DAGLB: variants seen among roughly 807,000 people sequenced by gnomAD.
DAGLB encodes diacylglycerol lipase beta, also known as diacylglycerol lipase-beta.
In DAGLB, 66 loss-of-function variants were observed where a neutral mutation model predicts 72.1. The observed-to-expected ratio is 0.92, with a 90% CI of 0.75 to 1.12. The LOEUF is 1.12. Among genes scored for constraint, DAGLB ranks in the 50% most tolerant of loss-of-function variants. The probability of loss-of-function intolerance (pLI) is 0.00; values close to 1 mark genes in which losing one functional copy is unlikely to be tolerated. For missense variants in DAGLB, 1,065 were observed against 884.9 expected (o/e 1.20, Z -2.58); for synonymous variants, 414 against 359.5 (o/e 1.15, Z -1.71).
intron 8 of DAGLB, among the ~76,000 whole-genome samples, chr7:6,424,496 C>T (rs1049518198): frequency 8.5e-5 from 13 of 152,168 alleles, no homozygotes; most frequent in African/African-American, 3.1e-4. Context: ...AAGCAGGTGC[C>T]CTCTGGGAGC....
chr7:6,418,924 A>G (rs894930203), intron 9 of DAGLB, among the ~76,000 whole-genome samples: 4 of 152,048 alleles, frequency 2.6e-5, no homozygotes, highest in Non-Finnish European at 5.9e-5. Flanking sequence ...TCGGCCTCCC[A>G]AAGTGCTGGG....
intron 8 of DAGLB, 63 bp downstream of exon 8, chr7:6,424,689 G>T: frequency 6.6e-7 from 1 of 1,507,340 alleles, no homozygotes; most frequent in Non-Finnish European, 9.2e-7. Flanking sequence ...CCCCAGCCGA[G>T]CAGCTGTGGG....
At chr7:6,447,721 C>T (rs771930086) in intron 1 of DAGLB, 27 bp downstream of exon 1, 10 of 1,605,474 alleles carry the variant, frequency 6.2e-6, no homozygotes, top group Non-Finnish European at 7.7e-6. Context: ...CGGTGGGCTC[C>T]ACCGCCCCCG....
chr7:6,444,051 G>A (rs1784919469), intron 2 of DAGLB, among the ~76,000 whole-genome samples: 1 of 152,108 alleles, frequency 6.6e-6, no homozygotes, highest in African/African-American at 2.4e-5. Context: ...AGGATCACCT[G>A]AGCCCAGGAG....
At chr7:6,411,030 A>G (rs192559049) in intron 13 of DAGLB, among the ~76,000 whole-genome samples, 2,032 of 150,930 alleles carry the variant, frequency 0.013, 15 homozygotes, top group Non-Finnish European at 0.02. Flanking sequence ...GACTACAGGC[A>G]CCCGCCACCG....
At chr7:6,433,927 G>C (rs923782455) in intron 4 of DAGLB, among the ~76,000 whole-genome samples, 1 of 151,504 alleles carries the variant, frequency 6.6e-6, no homozygotes, top group African/African-American at 2.4e-5. Context: ...TGTAGATTAC[G>C]ACATCCTCTA....
At chr7:6,413,359 A>G (rs1014821066) in intron 11 of DAGLB, among the ~76,000 whole-genome samples, 2 of 152,110 alleles carry the variant, frequency 1.3e-5, no homozygotes, top group Non-Finnish European at 2.9e-5. Flanking sequence ...GGCCGGGTGC[A>G]GTGGCTCACG....
In DAGLB at chr7:6,409,509, G is replaced by C. The variant is rs1256933433; in HGVS notation, c.*328C>G. 5 of 365,498 alleles carry C rather than the reference G, an allele frequency of 1.4e-5. No homozygotes were observed. The highest frequency in any genetic ancestry group is 8.2e-5 in the African/African-American group (4 of 48,494). The allele number at this position is 365,498 out of a possible 1,614,324, so 22.6% of individuals were successfully genotyped here. A position where few individuals can be genotyped will look rare whatever the true frequency, so the allele number is the denominator to read the frequency against. On this transcript the variant is annotated 3_prime_UTR_variant, in exon 15 of 15. Coordinates refer to ENST00000297056, the MANE Select transcript of DAGLB (RefSeq NM_139179.4). ...TAAGGAACTGTTCACGGTCTTCTGGGTGGGCCCTGGATTCCCGCACTTCTG... is the reference window on the plus strand; with the variant it reads ...TAAGGAACTGTTCACGGTCTTCTGGCTGGGCCCTGGATTCCCGCACTTCTG...
At chr7:6,446,561 A>T (rs1166463633) in intron 1 of DAGLB, among the ~76,000 whole-genome samples, 4 of 150,498 alleles carry the variant, frequency 2.7e-5, no homozygotes, top group Admixed American at 6.6e-5. Flanking sequence ...TCACTTTGGA[A>T]TATAATTTTC....
intron 2 of DAGLB, among the ~76,000 whole-genome samples, chr7:6,442,733 G>C (rs531097758): frequency 6.6e-6 from 1 of 152,164 alleles, no homozygotes; most frequent in African/African-American, 2.4e-5. Context: ...GCCTCCTTGC[G>C]TGGATGTTTC....
intron 6 of DAGLB, among the ~76,000 whole-genome samples, chr7:6,427,839 G>T (rs1296319332): frequency 1.3e-5 from 2 of 152,198 alleles, no homozygotes; most frequent in Non-Finnish European, 2.9e-5. Flanking sequence ...GGGGTCATAT[G>T]AAAAGAACAC....
chr7:6,425,688 G>A (rs1450556658), intron 7 of DAGLB, among the ~76,000 whole-genome samples: 1 of 152,154 alleles, frequency 6.6e-6, no homozygotes, highest in Non-Finnish European at 1.5e-5. Context: ...ATCCCAGAAG[G>A]CCATGCGGCA....
At position 6,447,932 on chromosome 7, in the gene DAGLB, T is replaced by G. The variant is rs992001412; in HGVS notation, c.-90A>C. 1.0e-5 allele frequency: 15 copies of G among 1,463,606 alleles called. No homozygotes were observed. The South Asian group carries it at 1.8e-4, about 18-fold the overall frequency. The allele number at this position is 1,463,606 out of a possible 1,614,324, so 90.7% of individuals were successfully genotyped here. On this transcript the variant is annotated 5_prime_UTR_variant, in exon 1 of 15. Transcript: ENST00000297056. ...CACCCTCCGGACGCCGCCACCAAAT[T>G]ATCGGCGCTCAAGCGCAAACGCAGC... is the stretch of plus-strand genomic sequence containing the variant.
At chr7:6,415,197 G>T (rs977725288) in intron 11 of DAGLB, among the ~76,000 whole-genome samples, 1 of 151,006 alleles carries the variant, frequency 6.6e-6, no homozygotes, top group Non-Finnish European at 1.5e-5. Context: ...GAAAACAGAC[G>T]ACTGAAATTT....
At position 6,412,896 on chromosome 7, in the gene DAGLB, G is replaced by A; in HGVS notation, c.1497-13C>T. 1 of 1,611,232 alleles carries A rather than the reference G, an allele frequency of 6.2e-7. No homozygotes were observed. The highest frequency in any genetic ancestry group is 8.5e-7 in the Non-Finnish European group (1 of 1,178,684). The stretch of plus-strand genomic sequence containing the variant: ...GGTCACACTGAGCCTGTTTAGCAAA[G>A]GGGCACACTGAGGCTGGGACCTGGC... On this transcript the variant is annotated splice_polypyrimidine_tract_variant and intron_variant, in intron 12 of 14. Coordinates refer to ENST00000297056, the MANE Select transcript of DAGLB (RefSeq NM_139179.4).
At chr7:6,416,516 C>A (rs1783921705) in intron 11 of DAGLB, 111 bp downstream of exon 11, 13 of 1,480,838 alleles carry the variant, frequency 8.8e-6, no homozygotes, top group Non-Finnish European at 1.1e-5. Context: ...GCACTCCAGC[C>A]TGGGCGACAG....
At chr7:6,415,050 A>G (rs1202759046) in intron 11 of DAGLB, among the ~76,000 whole-genome samples, 1 of 151,104 alleles carries the variant, frequency 6.6e-6, no homozygotes. Flanking sequence ...GGTCCCAGCT[A>G]CTTGGGAGGC....
chr7:6,409,775 A>G lies in DAGLB; in HGVS notation c.*62T>C. 5 of 1,555,070 alleles carry G rather than the reference A, an allele frequency of 3.2e-6. No homozygotes were observed. The highest frequency in any genetic ancestry group is 4.4e-6 in the Non-Finnish European group (5 of 1,144,780). On this transcript the variant is annotated 3_prime_UTR_variant, in exon 15 of 15. Transcript: ENST00000297056. Reference sequence around the variant, plus strand: ...GCGTCATGGGAACTCCTCGGATGGTAAGTCAGTTTAAGGACAAAAGCGTGA... The same window carrying G: ...GCGTCATGGGAACTCCTCGGATGGTGAGTCAGTTTAAGGACAAAAGCGTGA...
At chr7:6,447,544 G>C (rs1785049379) in intron 1 of DAGLB, among the ~76,000 whole-genome samples, 3 of 152,140 alleles carry the variant, frequency 2.0e-5, no homozygotes, top group Admixed American at 1.3e-4. Flanking sequence ...ACACTCTGGG[G>C]GCTTCGGTTT....
Sources: gnomAD v4.1 joint callset for allele counts (sites outside exome capture counted in the v4.1 genomes callset) on GRCh38, gnomAD v4.1.1 for gene constraint, MANE v1.5 for transcripts, NCBI Gene and HGNC (gene_info 2026-07-23, HGNC 2026-07-21) for gene names.